The following NOL4 variants were observed in gnomAD, a reference collection of about 807,000 sequenced individuals.
The protein encoded by NOL4 is cancer/testis antigen 125.
Under a neutral mutation model 75.9 loss-of-function variants are expected in NOL4, and 17 were observed. That is an observed-to-expected ratio of 0.22 (90% CI 0.15 to 0.34). The LOEUF is 0.34. Ranked by LOEUF, NOL4 falls within the 10% of genes least tolerant of loss-of-function variation. The pLI is 1.00. For missense variants in NOL4, 614 were observed against 793.5 expected, an observed-to-expected ratio of 0.77 and a Z score of 2.72; for synonymous variants, 292 against 289.9, an observed-to-expected ratio of 1.01 and a Z score of -0.07.
chr18:33,892,014 A>G (rs552029662), intron 9 of NOL4, among the ~76,000 whole-genome samples: 9 of 152,274 alleles, frequency 5.9e-5, no homozygotes, highest in African/African-American at 2.2e-4. Context: ...AGTTTAATAT[A>G]AAGTTAATTC....
chr18:33,929,076 C>A (rs1490235358), intron 9 of NOL4, among the ~76,000 whole-genome samples: 2 of 152,066 alleles, frequency 1.3e-5, no homozygotes, highest in South Asian at 2.1e-4. Context: ...CTCATCTACA[C>A]CCCATTGTCT....
At chr18:33,868,461 AT>A (rs1046495023) in intron 10 of NOL4, among the ~76,000 whole-genome samples, 2 of 152,078 alleles carry the variant, frequency 1.3e-5, no homozygotes, top group African/African-American at 4.8e-5. Flanking sequence ...TATATACTCT[AT>A]TCAGGAGAAT....
rs143940411 is a variant in NOL4 at position 34,215,725 on chromosome 18, C to T, written c.264+7265G>A. ...TTGGTGAAAACACCCAATAGAAAAT[C>T]GAAAATACAGCTGACCCTTGAACAA... On this transcript the variant is annotated intron_variant, in intron 1 of 10. Coordinates refer to ENST00000261592, the MANE Select transcript of NOL4 (RefSeq NM_003787.5). Among the ~76,000 whole-genome samples, 597 of 152,164 alleles carry T rather than the reference C, an allele frequency of 3.9e-3. 3 individuals are homozygous for T. The highest frequency in any genetic ancestry group is 0.01 in the Middle Eastern group (3 of 294).
chr18:33,905,912 C>G (rs1219554553), intron 9 of NOL4, among the ~76,000 whole-genome samples: 1 of 152,178 alleles, frequency 6.6e-6, no homozygotes, highest in East Asian at 1.9e-4. Flanking sequence ...GAGACAACAT[C>G]CCATTGTCCT....
At chr18:34,030,420 G>T (rs2075578864) in intron 5 of NOL4, among the ~76,000 whole-genome samples, 1 of 152,136 alleles carries the variant, frequency 6.6e-6, no homozygotes, top group South Asian at 2.1e-4. Context: ...AAGGGCTCAA[G>T]AGATTCTAAG....
chr18:34,128,020 C>G (rs1489489184), intron 2 of NOL4, among the ~76,000 whole-genome samples: 1 of 151,786 alleles, frequency 6.6e-6, no homozygotes, highest in Admixed American at 6.6e-5. Flanking sequence ...AAATGTCTTC[C>G]TAATGTTAAT....
chr18:34,217,294 AT>A (rs973740706), intron 1 of NOL4, among the ~76,000 whole-genome samples: 1 of 150,814 alleles, frequency 6.6e-6, no homozygotes, highest in African/African-American at 2.4e-5. Flanking sequence ...TTATTTATTT[AT>A]TTTTTTTGAG....
intron 2 of NOL4, among the ~76,000 whole-genome samples, chr18:34,109,379 C>T (rs1010448469): frequency 6.6e-6 from 1 of 151,872 alleles, no homozygotes; most frequent in Non-Finnish European, 1.5e-5. Flanking sequence ...ATTCGTCGGG[C>T]ATGGTGGCAT....
chr18:34,011,818 C>A (rs2074389577), intron 6 of NOL4, among the ~76,000 whole-genome samples: 1 of 151,566 alleles, frequency 6.6e-6, no homozygotes, highest in Non-Finnish European at 1.5e-5. Flanking sequence ...TATAACTAAC[C>A]AGATTATTTA....
At chr18:34,076,706 C>T (rs1187556675) in intron 5 of NOL4, among the ~76,000 whole-genome samples, 2 of 152,180 alleles carry the variant, frequency 1.3e-5, no homozygotes, top group Non-Finnish European at 2.9e-5. Context: ...TTAATTCCTT[C>T]ACACAGATTC....
intron 6 of NOL4, among the ~76,000 whole-genome samples, chr18:34,013,174 A>G (rs1194705004): frequency 2.0e-5 from 3 of 151,990 alleles, no homozygotes; most frequent in East Asian, 3.9e-4. Flanking sequence ...TAGTATCCCA[A>G]TATCAAAACT....
intron 1 of NOL4, among the ~76,000 whole-genome samples, chr18:34,147,572 G>C (rs535094378): frequency 1.5e-4 from 23 of 152,264 alleles, no homozygotes; most frequent in Non-Finnish European, 1.5e-5. Flanking sequence ...AAGGCAACTT[G>C]ATAGTGATGG....
intron 2 of NOL4, among the ~76,000 whole-genome samples, chr18:34,116,308 A>G (rs1396520741): frequency 6.6e-6 from 1 of 152,112 alleles, no homozygotes; most frequent in Non-Finnish European, 1.5e-5. Flanking sequence ...AAAAACAAGC[A>G]AACTCTTGGG....
intron 9 of NOL4, among the ~76,000 whole-genome samples, chr18:33,893,638 T>C (rs1437404421): frequency 2.0e-5 from 3 of 152,188 alleles, no homozygotes; most frequent in Non-Finnish European, 4.4e-5. Context: ...TGAATGTTTT[T>C]ATGTTTTCAG....
At chr18:34,015,075 C>A (rs1030315964) in intron 6 of NOL4, among the ~76,000 whole-genome samples, 3 of 151,970 alleles carry the variant, frequency 2.0e-5, no homozygotes, top group Non-Finnish European at 4.4e-5. Flanking sequence ...AGTGATGGAA[C>A]AATCCTGAGG....
intron 6 of NOL4, among the ~76,000 whole-genome samples, chr18:34,000,884 T>C (rs1828742355): frequency 2.0e-5 from 3 of 152,138 alleles, no homozygotes; most frequent in Non-Finnish European, 4.4e-5. Context: ...AACAAAGAAG[T>C]TATTAACATT....
chr18:34,158,761 T>C (rs531598071), intron 1 of NOL4: 1 of 152,342 alleles, frequency 6.6e-6, no homozygotes, highest in Admixed American at 6.5e-5. Context: ...TTTTAAAATA[T>C]ATTTCTTCTG....
chr18:33,881,425 G>A (rs1413632935), intron 10 of NOL4, among the ~76,000 whole-genome samples: 2 of 150,690 alleles, frequency 1.3e-5, no homozygotes, highest in Admixed American at 6.7e-5. Flanking sequence ...GGTGAGAGAG[G>A]GCATCCCTGT....
At chr18:34,030,214 A>G (rs1273015180) in intron 5 of NOL4, among the ~76,000 whole-genome samples, 1 of 152,232 alleles carries the variant, frequency 6.6e-6, no homozygotes, top group African/African-American at 2.4e-5. Flanking sequence ...AAAGCCATAA[A>G]TGTTAATCTC....
Sources: allele counts gnomAD v4.1 joint callset (sites outside exome capture counted in the v4.1 genomes callset), GRCh38; gene constraint gnomAD v4.1.1; transcripts MANE v1.5; gene names NCBI Gene and HGNC (gene_info 2026-07-23, HGNC 2026-07-21).